ZFPM1: variants seen among roughly 807,000 people sequenced by gnomAD.
ZFPM1 encodes zinc finger protein, FOG family member 1.
In ZFPM1, 28 loss-of-function variants were observed where a neutral mutation model predicts 46.3. The observed-to-expected ratio is 0.60, with a 90% CI of 0.45 to 0.83. The LOEUF is 0.83. Among genes scored for constraint, ZFPM1 ranks in the 40% least tolerant of loss-of-function variants. ZFPM1 has a pLI of 0.00. For synonymous variants in ZFPM1, 957 were observed against 675.9 expected, an observed-to-expected ratio of 1.42 and a Z score of -6.45; for missense variants, 1,878 against 1,432.4, an observed-to-expected ratio of 1.31 and a Z score of -5.02.
At chr16:88,479,861 C>A (rs566571310) in intron 1 of ZFPM1, among the ~76,000 whole-genome samples, 2 of 140,074 alleles carry the variant, frequency 1.4e-5, no homozygotes, top group Admixed American at 1.4e-4. Context: ...CCCTCCCCCC[C>A]GCTGCCACCC....
intron 1 of ZFPM1, among the ~76,000 whole-genome samples, chr16:88,473,762 G>T (rs905283200): frequency 5.3e-5 from 8 of 152,286 alleles, no homozygotes; most frequent in African/African-American, 1.9e-4. Flanking sequence ...CGGCGGGCTT[G>T]CAGCCGCGTG....
At chr16:88,474,203 C>T (rs1306431956) in intron 1 of ZFPM1, among the ~76,000 whole-genome samples, 5 of 152,220 alleles carry the variant, frequency 3.3e-5, no homozygotes, top group East Asian at 3.9e-4. Context: ...CCTCCGCCTC[C>T]CTTTCTCTCT....
Position 88,535,377 on chromosome 16 carries a change from C to G in ZFPM1, c.*398C>G, listed in dbSNP as rs1052630351. Reference sequence around the variant, plus strand: ...AGGGCCAGCCGCTCTGGGCCTACCCCACCCCAGCCCTGTCCATACCCCCCT... The same window carrying G: ...AGGGCCAGCCGCTCTGGGCCTACCCGACCCCAGCCCTGTCCATACCCCCCT... On this transcript the variant is annotated 3_prime_UTR_variant, in exon 10 of 10. Coordinates refer to ENST00000319555, the MANE Select transcript of ZFPM1 (RefSeq NM_153813.3). The G allele has an allele frequency of 1.9e-5, 3 of 160,440 alleles. No individual in the cohort carries two copies. Among genetic ancestry groups the G allele is most frequent in the African/African-American group, 4.8e-5 (2 of 41,808 alleles). The allele number at this position is 160,440 out of a possible 1,614,324, so 9.9% of individuals were successfully genotyped here.
At chr16:88,462,484 G>A (rs1907943058) in intron 1 of ZFPM1, among the ~76,000 whole-genome samples, 1 of 152,260 alleles carries the variant, frequency 6.6e-6, no homozygotes, top group South Asian at 2.1e-4. Flanking sequence ...AGCACACAGT[G>A]GTGCTCTGGC....
At chr16:88,522,468 C>T (rs1911971585) in intron 4 of ZFPM1, among the ~76,000 whole-genome samples, 2 of 152,250 alleles carry the variant, frequency 1.3e-5, no homozygotes, top group South Asian at 4.1e-4. Flanking sequence ...GGGGCTTCTG[C>T]AGGACCGGCC....
chr16:88,515,759 A>G (rs990482972), intron 4 of ZFPM1, among the ~76,000 whole-genome samples: 5 of 152,186 alleles, frequency 3.3e-5, no homozygotes, highest in Non-Finnish European at 7.4e-5. Flanking sequence ...AAGGAGCCAC[A>G]TTTCAGCTCC....
rs538452205 is a variant in ZFPM1, at chr16:88,471,416, G to C, written c.41-14523G>C. Among the ~76,000 whole-genome samples the C allele has an allele frequency of 6.6e-6, 1 of 151,014 alleles. No individual in the cohort carries two copies. On this transcript the variant is annotated intron_variant, in intron 1 of 9. Transcript: ENST00000319555. This position sits in a 1 kb window ranked among gnomAD's most constrained non-coding sequence, Gnocchi z 4.1. The stretch of plus-strand genomic sequence containing the variant: ...GCCCACAGTGGCTCCCACGCATAGT[G>C]GGGGGGCCAAGACCCCAAGATGACC...
At chr16:88,481,099 C>T (rs983425715) in intron 1 of ZFPM1, among the ~76,000 whole-genome samples, 20 of 152,252 alleles carry the variant, frequency 1.3e-4, no homozygotes, top group East Asian at 1.9e-4. Context: ...ATTTCCATTT[C>T]GGCGTCCGGC....
At position 88,504,118 on chromosome 16, in the gene ZFPM1, C is replaced by T. The variant is rs4497672; in HGVS notation, c.269-10269C>T. Reference sequence around the variant, plus strand: ...CTCACCCTCTCCCATTTATGAAGCACAGACAGAGTCCCCAGGGGGCAAATG... The same window carrying T: ...CTCACCCTCTCCCATTTATGAAGCATAGACAGAGTCCCCAGGGGGCAAATG... On this transcript the variant is annotated intron_variant, in intron 3 of 9. Transcript: ENST00000319555. 8.6e-3 allele frequency among the ~76,000 whole-genome samples: 1,307 copies of T among 152,044 alleles called. 16 individuals carry two copies. The highest frequency in any genetic ancestry group is 0.03 in the African/African-American group (1,249 of 41,430).
chr16:88,528,332 G>A, intron 6 of ZFPM1, 94 bp downstream of exon 6: 1 of 1,349,870 alleles, frequency 7.4e-7, no homozygotes, highest in East Asian at 2.6e-5. Context: ...GGGAAGCTCG[G>A]GGGCTGCAGG....
At chr16:88,532,979 G>C (rs370985492) in intron 9 of ZFPM1, 44 bp downstream of exon 9, 4 of 1,609,372 alleles carry the variant, frequency 2.5e-6, no homozygotes, top group Non-Finnish European at 3.4e-6. Flanking sequence ...TAGGCCCCCT[G>C]AGCAGTGGGA....
Position 88,489,070 on chromosome 16 carries a change from C to T in ZFPM1, c.185C>T (p.Pro62Leu). 6.2e-7 allele frequency: 1 copy of T among 1,613,214 alleles called. No individual in the cohort carries two copies. The highest frequency in any genetic ancestry group is 8.5e-7 in the Non-Finnish European group (1 of 1,179,806). ...CCACCGCTGCCGCCCCCCACATCCC[C>T]AGGAGGCCCCAAGGAGCTGGAAGGA... Reference protein sequence around the residue: ...SPPPLPPPTSPGGPKELEGQE... With the variant: ...SPPPLPPPTSLGGPKELEGQE... Residue 62 changes from proline (P) to leucine (L), a missense_variant, in exon 3 of 10, where the codon CCA becomes CTA. Coordinates refer to ENST00000319555, the MANE Select transcript of ZFPM1 (RefSeq NM_153813.3).
intron 3 of ZFPM1, among the ~76,000 whole-genome samples, chr16:88,498,303 C>T (rs1382986313): frequency 6.6e-6 from 1 of 152,208 alleles, no homozygotes; most frequent in East Asian, 1.9e-4. Context: ...AGCCACGCCC[C>T]TTCCCCGGAG....
At chr16:88,486,261 G>T (rs139767953) in intron 2 of ZFPM1, among the ~76,000 whole-genome samples, 8 of 152,366 alleles carry the variant, frequency 5.3e-5, no homozygotes, top group South Asian at 2.1e-4. Flanking sequence ...TGCTGCATGT[G>T]CAGCCTGAAA....
At chr16:88,466,711 T>C (rs1182694083) in intron 1 of ZFPM1, among the ~76,000 whole-genome samples, 1 of 152,200 alleles carries the variant, frequency 6.6e-6, no homozygotes, top group African/African-American at 2.4e-5. Flanking sequence ...TTGGGTTTGG[T>C]TTTGTTTCAA....
intron 3 of ZFPM1, among the ~76,000 whole-genome samples, chr16:88,489,773 C>T (rs1040855021): frequency 6.6e-6 from 1 of 152,248 alleles, no homozygotes; most frequent in Non-Finnish European, 1.5e-5. Context: ...GTGGCCCCTT[C>T]GGGGACTGTG....
intron 3 of ZFPM1, among the ~76,000 whole-genome samples, chr16:88,496,146 G>C (rs1260638102): frequency 1.3e-5 from 2 of 152,180 alleles, no homozygotes; most frequent in Admixed American, 6.5e-5. Context: ...CTGCCCTTGG[G>C]TGTCAGGGAG....
chr16:88,453,608 GGCCGCCGGGAGGGCGCGC>G lies in ZFPM1; in HGVS notation c.-29_-12del. 9.2e-7 allele frequency: 1 copy of G among 1,084,248 alleles called. No individual in the cohort carries two copies. The highest frequency in any genetic ancestry group is 9.6e-5 in the East Asian group (1 of 10,452). 67.2% of individuals were successfully genotyped at this position (1,084,248 alleles called of 1,614,324 possible). Reference sequence around the variant, plus strand: ...CCGCCGCCCGCCCGGGGCTAGAGGCGGCCGCCGGGAGGGCGCGCGGCGCCGGAGACATGTCCAGGCGGA... The same window carrying G: ...CCGCCGCCCGCCCGGGGCTAGAGGCGGGCGCCGGAGACATGTCCAGGCGGA... On this transcript the variant is annotated 5_prime_UTR_variant, in exon 1 of 10. Coordinates refer to ENST00000319555, the MANE Select transcript of ZFPM1 (RefSeq NM_153813.3).
intron 1 of ZFPM1, among the ~76,000 whole-genome samples, chr16:88,461,506 G>T (rs1450139699): frequency 6.6e-6 from 1 of 152,174 alleles, no homozygotes; most frequent in Non-Finnish European, 1.5e-5. Flanking sequence ...CTGTATCTGG[G>T]GCCTCTGTTT....
Sources: gnomAD v4.1 joint callset for allele counts (sites outside exome capture counted in the v4.1 genomes callset) on GRCh38, gnomAD v4.1.1 for gene constraint, Gnocchi (gnomAD v3.1) non-coding constraint, MANE v1.5 for transcripts, NCBI Gene and HGNC (gene_info 2026-07-23, HGNC 2026-07-21) for gene names.